THSD7A: variants seen among roughly 807,000 people sequenced by gnomAD.
THSD7A encodes thrombospondin type 1 domain containing 7A.
In THSD7A, 96 loss-of-function variants were observed where a neutral mutation model predicts 231.3. That is an observed-to-expected ratio of 0.41 (90% CI 0.35 to 0.49). The LOEUF is 0.49. THSD7A is among the 20% of genes least tolerant of loss of function. The pLI is 0.05. For missense variants in THSD7A, 2,290 were observed against 2,070.2 expected (o/e 1.11, Z -2.06); for synonymous variants, 940 against 743.3 (o/e 1.26, Z -4.30).
rs1299158715 is a variant in THSD7A, at chr7:11,636,802, C to G, written c.350G>C (p.Trp117Ser). Reference protein sequence around the residue: ...NQQNCFKVCDWHKELYDWRLG... With the variant: ...NQQNCFKVCDSHKELYDWRLG... ...TCTCCAGTCGTACAACTCTTTGTGC[C>G]AATCGCAAACTTTGAAACAATTCTG... Residue 117 changes from tryptophan (W) to serine (S), a missense_variant, in exon 2 of 28, where the codon TGG becomes TCG. Coordinates refer to ENST00000423059, the MANE Select transcript of THSD7A (RefSeq NM_015204.3). This position sits in a 1 kb window ranked among gnomAD's most constrained non-coding sequence, Gnocchi z 10.0. The G allele has an allele frequency of 3.7e-6, 6 of 1,613,812 alleles. No homozygotes were observed. In the African/African-American group the frequency reaches 5.3e-5, roughly 14 times the overall value.
chr7:11,397,430 A>C (rs1445624435), intron 23 of THSD7A, among the ~76,000 whole-genome samples: 1 of 152,238 alleles, frequency 6.6e-6, no homozygotes, highest in African/African-American at 2.4e-5. Context: ...TTAAAGACGT[A>C]AACCCAAGAC....
At chr7:11,580,330 G>T (rs1422918250) in intron 4 of THSD7A, among the ~76,000 whole-genome samples, 2 of 152,192 alleles carry the variant, frequency 1.3e-5, no homozygotes, top group East Asian at 1.9e-4. Flanking sequence ...AAGGGTACAG[G>T]TTCGTTATTA....
intron 4 of THSD7A, among the ~76,000 whole-genome samples, chr7:11,581,262 C>T (rs903891629): frequency 2.0e-5 from 3 of 151,976 alleles, no homozygotes; most frequent in African/African-American, 4.8e-5. Context: ...GGTATTTATA[C>T]GTACTCATTA....
intron 1 of THSD7A, among the ~76,000 whole-genome samples, chr7:11,664,288 A>C (rs570614577): frequency 6.6e-6 from 1 of 152,010 alleles, no homozygotes; most frequent in South Asian, 2.1e-4. Context: ...TAAAATCTAC[A>C]GCAGTGCGAA....
intron 6 of THSD7A, among the ~76,000 whole-genome samples, chr7:11,527,900 T>C (rs1411967809): frequency 6.6e-6 from 1 of 152,154 alleles, no homozygotes; most frequent in Non-Finnish European, 1.5e-5. Flanking sequence ...ATGCCTCTAA[T>C]TCCAGCACTG....
chr7:11,410,458 C>T (rs941422287), intron 19 of THSD7A: 1 of 152,160 alleles, frequency 6.6e-6, no homozygotes, highest in Admixed American at 6.5e-5. Context: ...TATTGAGGCT[C>T]CTACTTATCT....
At chr7:11,378,926 G>C in intron 26 of THSD7A, 144 bp downstream of exon 26, 1 of 704,164 alleles carries the variant, frequency 1.4e-6, no homozygotes, top group Non-Finnish European at 2.3e-6. Flanking sequence ...AAAAATTGAA[G>C]AATAGATGGC....
intron 4 of THSD7A, among the ~76,000 whole-genome samples, chr7:11,546,489 A>G (rs1474439775): frequency 6.6e-6 from 1 of 152,176 alleles, no homozygotes; most frequent in African/African-American, 2.4e-5. Context: ...CCGGAAATGA[A>G]GCCAGTTGAC....
At chr7:11,758,746 G>C (rs975836939) in intron 1 of THSD7A, among the ~76,000 whole-genome samples, 4 of 152,058 alleles carry the variant, frequency 2.6e-5, no homozygotes, top group Admixed American at 1.3e-4. Flanking sequence ...GGATGATATG[G>C]CTTAAACTAG....
intron 8 of THSD7A, among the ~76,000 whole-genome samples, chr7:11,472,311 C>T (rs889543102): frequency 7.9e-5 from 12 of 151,886 alleles, no homozygotes; most frequent in East Asian, 1.9e-4. Context: ...AGTTTGTTAC[C>T]GGGAGGACAG....
chr7:11,728,679 G>A (rs1781625354), intron 1 of THSD7A, among the ~76,000 whole-genome samples: 1 of 151,802 alleles, frequency 6.6e-6, no homozygotes, highest in Non-Finnish European at 1.5e-5. Flanking sequence ...TTTGTACTTT[G>A]AGGTTTGCAT....
intron 2 of THSD7A, among the ~76,000 whole-genome samples, chr7:11,621,542 T>C (rs572517741): frequency 6.6e-6 from 1 of 152,238 alleles, no homozygotes; most frequent in Non-Finnish European, 1.5e-5. Context: ...TTATCTTTTT[T>C]ATTATATAGA....
chr7:11,493,289 G>C (rs1035927869), intron 6 of THSD7A, among the ~76,000 whole-genome samples: 1 of 152,038 alleles, frequency 6.6e-6, no homozygotes, highest in Non-Finnish European at 1.5e-5. Context: ...GGTGAGTTTG[G>C]GATGGGCCAA....
chr7:11,525,947 G>T (rs1344992687), intron 6 of THSD7A, among the ~76,000 whole-genome samples: 1 of 152,166 alleles, frequency 6.6e-6, no homozygotes, highest in Non-Finnish European at 1.5e-5. Context: ...CTGCAAGAAA[G>T]TTATCTGGAA....
chr7:11,657,335 AG>A (rs1782747993), intron 1 of THSD7A, among the ~76,000 whole-genome samples: 1 of 151,810 alleles, frequency 6.6e-6, no homozygotes, highest in Non-Finnish European at 1.5e-5. Flanking sequence ...TTGTGAAGGT[AG>A]AGAATTCCAG....
intron 2 of THSD7A, among the ~76,000 whole-genome samples, chr7:11,602,468 C>T (rs1380076501): frequency 2.0e-5 from 3 of 151,928 alleles, no homozygotes; most frequent in Non-Finnish European, 4.4e-5. Context: ...AGGGGAGGTA[C>T]AGAAAGTTAC....
chr7:11,770,906 A>C (rs1182535693), intron 1 of THSD7A, among the ~76,000 whole-genome samples: 1 of 151,928 alleles, frequency 6.6e-6, no homozygotes, highest in Admixed American at 6.6e-5. Flanking sequence ...AATAATAGTT[A>C]TATGTGAAAT....
chr7:11,806,425 A>C (rs541416606), intron 1 of THSD7A, among the ~76,000 whole-genome samples: 3 of 152,190 alleles, frequency 2.0e-5, no homozygotes, highest in Non-Finnish European at 4.4e-5. Context: ...GATGGTAAAA[A>C]GGAAATACAT....
chr7:11,633,586 CT>C, intron 2 of THSD7A, among the ~76,000 whole-genome samples: 1 of 152,236 alleles, frequency 6.6e-6, no homozygotes, highest in Non-Finnish European at 1.5e-5. Flanking sequence ...ACATAATGCC[CT>C]TCTAAGTGTC....
Sources: gnomAD v4.1 joint callset for allele counts (sites outside exome capture counted in the v4.1 genomes callset) on GRCh38, gnomAD v4.1.1 for gene constraint, Gnocchi (gnomAD v3.1) non-coding constraint, MANE v1.5 for transcripts, NCBI Gene and HGNC (gene_info 2026-07-23, HGNC 2026-07-21) for gene names.